Variants in TTC12 observed in about 807,000 individuals in gnomAD.
TTC12 encodes tetratricopeptide repeat protein 12.
A neutral mutation model predicts 90.1 loss-of-function variants in TTC12; 70 were observed. The observed-to-expected ratio is 0.78, with a 90% CI of 0.64 to 0.95. TTC12 has a LOEUF of 0.95. Ranked by LOEUF, TTC12 falls within the 40% of genes least tolerant of loss-of-function variation. The pLI is 0.00. For synonymous variants in TTC12, 296 were observed against 311.5 expected, an observed-to-expected ratio of 0.95 and a Z score of 0.53; for missense variants, 819 against 846.1, an observed-to-expected ratio of 0.97 and a Z score of 0.40.
chr11:113,339,113 G>A (rs974380538), intron 9 of TTC12, among the ~76,000 whole-genome samples, 173 bp from the exon 10 acceptor site: 2 of 152,068 alleles, frequency 1.3e-5, no homozygotes, highest in African/African-American at 4.8e-5. Flanking sequence ...GATTCTGGTT[G>A]TAGATTTAGA....
chr11:113,357,789 A>G (rs1292397300), intron 16 of TTC12, among the ~76,000 whole-genome samples: 1 of 152,202 alleles, frequency 6.6e-6, no homozygotes, highest in African/African-American at 2.4e-5. Flanking sequence ...TCTCTAGGTT[A>G]AGAATACACT....
chr11:113,324,396 C>T (rs1947552172), intron 4 of TTC12, among the ~76,000 whole-genome samples: 1 of 152,130 alleles, frequency 6.6e-6, no homozygotes, highest in Non-Finnish European at 1.5e-5. Context: ...TCATAGCCAT[C>T]ATGTGTAATA....
At chr11:113,325,843 T>C (rs1947656319) in intron 6 of TTC12, 198 bp downstream of exon 6, 1 of 648,892 alleles carries the variant, frequency 1.5e-6, no homozygotes, top group Admixed American at 3.2e-5. Context: ...ATGATCTAAT[T>C]TGGAATCACT....
intron 7 of TTC12, among the ~76,000 whole-genome samples, chr11:113,332,247 C>T (rs914377276): frequency 6.6e-6 from 1 of 152,194 alleles, no homozygotes; most frequent in Non-Finnish European, 1.5e-5. Context: ...CTGGGGTTCA[C>T]CCAAGAAAAT....
intron 2 of TTC12, among the ~76,000 whole-genome samples, chr11:113,319,481 G>C (rs1187610507): frequency 6.6e-6 from 1 of 152,078 alleles, no homozygotes; most frequent in African/African-American, 2.4e-5. Context: ...AGACATGAAA[G>C]AAGAGCTAAA....
intron 10 of TTC12, among the ~76,000 whole-genome samples, chr11:113,340,443 A>T (rs559111028): frequency 2.6e-5 from 4 of 152,214 alleles, no homozygotes; most frequent in African/African-American, 9.6e-5. Flanking sequence ...CTCCTTCTCT[A>T]AACAGTCCCT....
intron 6 of TTC12, among the ~76,000 whole-genome samples, chr11:113,327,613 G>T (rs1228649462): frequency 1.3e-5 from 2 of 152,008 alleles, no homozygotes; most frequent in Admixed American, 1.3e-4. Flanking sequence ...AAGTTATAGG[G>T]TGTTTAATCC....
chr11:113,342,996 T>C (rs548950748), intron 12 of TTC12, among the ~76,000 whole-genome samples: 1 of 152,354 alleles, frequency 6.6e-6, no homozygotes, highest in South Asian at 2.1e-4. Flanking sequence ...TTACATTTTT[T>C]TATCATCTGA....
chr11:113,357,044 T>C (rs1949673673), intron 16 of TTC12, among the ~76,000 whole-genome samples: 2 of 152,218 alleles, frequency 1.3e-5, no homozygotes, highest in African/African-American at 4.8e-5. Context: ...ATTCTCCTCA[T>C]CTCTTTCAGG....
intron 16 of TTC12, among the ~76,000 whole-genome samples, chr11:113,355,264 C>T (rs1200378153): frequency 6.6e-6 from 1 of 152,072 alleles, no homozygotes; most frequent in Admixed American, 6.6e-5. Context: ...TCATAATATT[C>T]TCTGATGGTT....
chr11:113,359,910 TCTC>T (rs1282626572), intron 17 of TTC12, 27 bp from the exon 18 acceptor site: 6 of 1,552,172 alleles, frequency 3.9e-6, no homozygotes, highest in East Asian at 2.3e-5. Context: ...AAAATTAAAA[TCTC>T]CTGCTGGCCT....
chr11:113,339,898 C>T (rs1303922256), intron 10 of TTC12, among the ~76,000 whole-genome samples: 2 of 152,150 alleles, frequency 1.3e-5, no homozygotes, highest in African/African-American at 4.8e-5. Context: ...ACCACACACC[C>T]CATGCACATC....
At chr11:113,356,404 G>C (rs1030669554) in intron 16 of TTC12, among the ~76,000 whole-genome samples, 1 of 152,218 alleles carries the variant, frequency 6.6e-6, no homozygotes, top group African/African-American at 2.4e-5. Context: ...TTGCCACTCT[G>C]TGTCTTGGGA....
downstream of TTC12, among the ~76,000 whole-genome samples, chr11:113,366,927 A>G (rs1591229583): frequency 6.6e-6 from 1 of 152,184 alleles, no homozygotes; most frequent in Admixed American, 6.5e-5. Flanking sequence ...TGGTGGTGCT[A>G]TAGGCACCCT....
intron 7 of TTC12, 128 bp downstream of exon 7, chr11:113,330,107 A>G: frequency 2.7e-6 from 2 of 742,590 alleles, no homozygotes; most frequent in South Asian, 1.6e-5. Flanking sequence ...CATCTGTAGA[A>G]TGGGATAGAA....
At chr11:113,340,219 T>C (rs550925330) in intron 10 of TTC12, among the ~76,000 whole-genome samples, 2 of 152,374 alleles carry the variant, frequency 1.3e-5, no homozygotes, top group African/African-American at 2.4e-5. Context: ...GACTTCTCTT[T>C]AGTGTACAAT....
intron 20 of TTC12, 72 bp from the exon 21 acceptor site, chr11:113,364,763 C>A: frequency 7.7e-7 from 1 of 1,300,110 alleles, no homozygotes; most frequent in Non-Finnish European, 1.1e-6. Context: ...CCCTGCACCC[C>A]TCATGTCCTG....
At chr11:113,347,973 T>G (rs1304773089) in intron 13 of TTC12, among the ~76,000 whole-genome samples, 1 of 152,180 alleles carries the variant, frequency 6.6e-6, no homozygotes, top group Non-Finnish European at 1.5e-5. Context: ...CTCTCCTACC[T>G]CCTGGCTATT....
In TTC12 at chr11:113,324,680, ATGGTAAT is replaced by A; in HGVS notation, c.322+1_322+7del. On this transcript the variant is annotated splice_donor_variant and splice_donor_5th_base_variant and coding_sequence_variant and intron_variant, in exon 5 of 22. Coordinates refer to ENST00000529221, the MANE Select transcript of TTC12 (RefSeq NM_017868.4). LOFTEE classifies it high-confidence loss of function. ...AGAAGGGAAAACAAAGTCTTGGCGG[ATGGTAAT>A]TGTCAGTCCTTACTTTTCAATGGCT... 1.2e-6 allele frequency: 2 copies of A among 1,613,642 alleles called. No homozygotes were observed. The highest frequency in any genetic ancestry group is 1.7e-6 in the Non-Finnish European group (2 of 1,179,780).
Sources: allele counts gnomAD v4.1 joint callset (sites outside exome capture counted in the v4.1 genomes callset), GRCh38; gene constraint gnomAD v4.1.1; transcripts MANE v1.5; gene names NCBI Gene and HGNC (gene_info 2026-07-23, HGNC 2026-07-21).